The following THSD7A variants were observed in gnomAD, a reference collection of about 807,000 sequenced individuals.
THSD7A encodes thrombospondin type-1 domain-containing protein 7A.
In THSD7A, 96 loss-of-function variants were observed where a neutral mutation model predicts 231.3. The observed-to-expected ratio is 0.41, with a 90% CI of 0.35 to 0.49. THSD7A has a LOEUF of 0.49. THSD7A is among the 20% of genes least tolerant of loss of function. The probability of loss-of-function intolerance (pLI) is 0.05; values close to 1 mark genes in which losing one functional copy is unlikely to be tolerated. For missense variants in THSD7A, 2,290 were observed against 2,070.2 expected (o/e 1.11, Z -2.06); for synonymous variants, 940 against 743.3 (o/e 1.26, Z -4.30).
intron 1 of THSD7A, among the ~76,000 whole-genome samples, chr7:11,677,616 AG>A (rs1394303602): frequency 7.9e-6 from 1 of 126,588 alleles, no homozygotes; most frequent in African/African-American, 2.9e-5. Context: ...AAAAAAAAGC[AG>A]GGGTTGCAAT....
intron 1 of THSD7A, among the ~76,000 whole-genome samples, chr7:11,785,878 CTTAGGGTTAA>C (rs1280803860): frequency 1.3e-5 from 2 of 152,036 alleles, no homozygotes; most frequent in African/African-American, 4.8e-5. Flanking sequence ...CAAATGTGCT[CTTAGGGTTAA>C]TTTGTAATCT....
intron 6 of THSD7A, among the ~76,000 whole-genome samples, chr7:11,498,232 T>C (rs935144023): frequency 2.6e-5 from 4 of 152,162 alleles, no homozygotes; most frequent in African/African-American, 9.6e-5. Flanking sequence ...TTGGAATCCC[T>C]AAGAAGGAGC....
intron 7 of THSD7A, among the ~76,000 whole-genome samples, chr7:11,481,164 A>C (rs1786406835): frequency 6.6e-6 from 1 of 152,164 alleles, no homozygotes; most frequent in African/African-American, 2.4e-5. Context: ...TTGGCAATAA[A>C]GCTTGCAAGT....
intron 16 of THSD7A, 117 bp from the exon 17 acceptor site, chr7:11,417,720 T>TG: frequency 9.8e-7 from 1 of 1,019,804 alleles, no homozygotes; most frequent in Non-Finnish European, 1.4e-6. Context: ...GACATCGTTA[T>TG]GGGGGTGGGG....
intron 1 of THSD7A, among the ~76,000 whole-genome samples, chr7:11,790,401 C>A (rs1192824245): frequency 6.6e-6 from 1 of 151,792 alleles, no homozygotes; most frequent in Non-Finnish European, 1.5e-5. Flanking sequence ...GCAACCAGTT[C>A]CTTACTTTAC....
At chr7:11,686,663 T>G (rs1780064067) in intron 1 of THSD7A, among the ~76,000 whole-genome samples, 1 of 151,426 alleles carries the variant, frequency 6.6e-6, no homozygotes, top group Non-Finnish European at 1.5e-5. Context: ...ATAAAAAGAG[T>G]GAATCATCTT....
In THSD7A at chr7:11,411,207, C is replaced by T. The variant is rs372588339; in HGVS notation, c.3798G>A (p.Ala1266=). The T allele has an allele frequency of 1.2e-5, 20 of 1,609,004 alleles. No individual in the cohort carries two copies. The highest frequency in any genetic ancestry group is 4.0e-5 in the African/African-American group (3 of 74,738). The change falls in exon 19 of 28, where the codon GCG becomes GCA. Residue 1266 remains alanine, a splice_region_variant and synonymous_variant. Transcript: ENST00000423059. This position sits in a 1 kb window ranked among gnomAD's most constrained non-coding sequence, Gnocchi z 4.1. ...GKSVDLKYCE[A]LGLEKNWQMN... is the part of the protein sequence containing the mutation. ...AAGATATAACACAGCATCCACCTACCGCTTCACAATATTTCAGGTCAACTG... is the reference window on the plus strand; with the variant it reads ...AAGATATAACACAGCATCCACCTACTGCTTCACAATATTTCAGGTCAACTG...
rs1269876776 is a variant in THSD7A at position 11,406,638 on chromosome 7, A to C, written c.4063-164T>G. Among the ~76,000 whole-genome samples the C allele has an allele frequency of 1.3e-5, 2 of 152,246 alleles. No individual in the cohort carries two copies. Among genetic ancestry groups the C allele is most frequent in the South Asian group, 4.1e-4 (2 of 4,834 alleles). ...ATAGGGCACTAGCAATAAAGCATAC[A>C]TTGAACAATTTGTTTCCTAGCTAAA... On this transcript the variant is annotated intron_variant, in intron 21 of 27. Coordinates refer to ENST00000423059, the MANE Select transcript of THSD7A (RefSeq NM_015204.3). The surrounding 1 kb of genome is among the most constrained non-coding windows in gnomAD (Gnocchi z 4.7).
rs781255514 is a variant in THSD7A, at chr7:11,407,379, C to A, written c.3843G>T (p.Val1281=). ...KNWQMNTSCM[V]ECPVNCQLSD... ...AAAGCTGACAGTTCACAGGGCATTC[C>A]ACCATGCAGGACGTGTTCATCTGCC... Residue 1281 remains valine, a synonymous_variant, in exon 20 of 28, where the codon GTG becomes GTT. Transcript: ENST00000423059. 4.2e-5 allele frequency: 68 copies of A among 1,613,548 alleles called. No individual in the cohort carries two copies. The highest frequency in any genetic ancestry group is 5.8e-5 in the Non-Finnish European group (68 of 1,179,806).
chr7:11,685,257 A>G (rs1031789118), intron 1 of THSD7A, among the ~76,000 whole-genome samples: 8 of 151,956 alleles, frequency 5.3e-5, no homozygotes, highest in African/African-American at 1.7e-4. Context: ...GTAAGACCTC[A>G]AACTATAAAA....
At chr7:11,553,026 C>A (rs904784392) in intron 4 of THSD7A, among the ~76,000 whole-genome samples, 4 of 152,026 alleles carry the variant, frequency 2.6e-5, no homozygotes, top group African/African-American at 9.7e-5. Flanking sequence ...ATTGAATCTC[C>A]ACTCCAAAAC....
At chr7:11,470,937 T>C (rs1178566290) in intron 8 of THSD7A, among the ~76,000 whole-genome samples, 1 of 151,968 alleles carries the variant, frequency 6.6e-6, no homozygotes, top group African/African-American at 2.4e-5. Flanking sequence ...GTTTTAAATA[T>C]ACTGTCTTAT....
intron 22 of THSD7A, 89 bp from the exon 23 acceptor site, chr7:11,402,057 G>T: frequency 9.4e-7 from 1 of 1,060,562 alleles, no homozygotes; most frequent in African/African-American, 1.6e-5. Context: ...AGTAGGCAAT[G>T]TTTCTGGTAT....
At chr7:11,822,837 A>G (rs898272849) in intron 1 of THSD7A, among the ~76,000 whole-genome samples, 8 of 152,048 alleles carry the variant, frequency 5.3e-5, no homozygotes, top group Non-Finnish European at 2.9e-5. Flanking sequence ...AATATCTAGT[A>G]TACTCTAGAT....
intron 1 of THSD7A, among the ~76,000 whole-genome samples, chr7:11,779,953 T>A (rs1783570773): frequency 6.6e-6 from 1 of 152,220 alleles, no homozygotes; most frequent in Non-Finnish European, 1.5e-5. Context: ...GGTTTCTGTG[T>A]CTGTCTAAAT....
rs554794487 is a variant in THSD7A at position 11,427,061 on chromosome 7, C to T, written c.3244-390G>A. Among the ~76,000 whole-genome samples the T allele has an allele frequency of 1.8e-4, 28 of 152,130 alleles. No individual in the cohort carries two copies. In the East Asian group the frequency reaches 4.6e-3, roughly 25 times the overall value. On this transcript the variant is annotated intron_variant, in intron 14 of 27. Transcript: ENST00000423059. ...CAGTATATTTATAGATTGATCTATCCGTTGATTTACCTTAATCAGTTCATC... is the reference window on the plus strand; with the variant it reads ...CAGTATATTTATAGATTGATCTATCTGTTGATTTACCTTAATCAGTTCATC...
intron 26 of THSD7A, 112 bp downstream of exon 26, chr7:11,378,958 A>G (rs1325004012): frequency 3.2e-6 from 3 of 942,640 alleles, no homozygotes; most frequent in African/African-American, 3.3e-5. Context: ...AAATGCATGT[A>G]GATAAAATAA....
intron 1 of THSD7A, among the ~76,000 whole-genome samples, chr7:11,795,158 C>G (rs150204965): frequency 2.0e-5 from 3 of 151,870 alleles, no homozygotes; most frequent in African/African-American, 7.2e-5. Flanking sequence ...TGAGAGAGAT[C>G]TTTCTGTTTC....
Position 11,406,774 on chromosome 7 carries a change from T to G in THSD7A, c.4062+136A>C. The G allele has an allele frequency of 9.1e-7, 1 of 1,104,034 alleles. No individual in the cohort carries two copies. The highest frequency in any genetic ancestry group is 1.3e-6 in the Non-Finnish European group (1 of 794,136). The allele number at this position is 1,104,034 out of a possible 1,614,324, so 68.4% of individuals were successfully genotyped here. A position where few individuals can be genotyped will look rare whatever the true frequency, so the allele number is the denominator to read the frequency against. ...AATTAAATGGTTATAAAATGGCAAG[T>G]ACATACAAATTTTAAGAAGCTTGTC... On this transcript the variant is annotated intron_variant, in intron 21 of 27. Coordinates refer to ENST00000423059, the MANE Select transcript of THSD7A (RefSeq NM_015204.3). This position sits in a 1 kb window ranked among gnomAD's most constrained non-coding sequence, Gnocchi z 4.7.
Sources: allele counts gnomAD v4.1 joint callset (sites outside exome capture counted in the v4.1 genomes callset), GRCh38; gene constraint gnomAD v4.1.1; non-coding constraint Gnocchi (gnomAD v3.1); transcripts MANE v1.5; gene names NCBI Gene and HGNC (gene_info 2026-07-23, HGNC 2026-07-21).